STRN: variants seen among roughly 807,000 people sequenced by gnomAD.
The protein encoded by STRN is protein phosphatase 2 regulatory subunit B'''alpha.
Under a neutral mutation model 96.3 loss-of-function variants are expected in STRN, and 53 were observed. The ratio of observed to expected loss-of-function variants is 0.55; its 90% CI spans 0.44 to 0.69. The LOEUF (loss-of-function observed/expected upper bound fraction) is 0.69, where lower values mean the gene tolerates loss of function less well. STRN is among the 30% of genes least tolerant of loss of function. The pLI, the probability that STRN is intolerant of heterozygous loss-of-function variation, is 0.00. For synonymous variants in STRN, 428 were observed against 355.9 expected, an observed-to-expected ratio of 1.20 and a Z score of -2.28; for missense variants, 987 against 963.9, an observed-to-expected ratio of 1.02 and a Z score of -0.32.
chr2:36,906,303 A>G (rs982754083), intron 3 of STRN, among the ~76,000 whole-genome samples: 9 of 151,718 alleles, frequency 5.9e-5, no homozygotes, highest in African/African-American at 2.2e-4. Context: ...TGTCTCTACA[A>G]AAAAAATTAT....
intron 1 of STRN, among the ~76,000 whole-genome samples, chr2:36,941,903 T>C (rs776505224): frequency 6.6e-6 from 1 of 152,090 alleles, no homozygotes; most frequent in African/African-American, 2.4e-5. Flanking sequence ...AGTCTTCAAG[T>C]TGGTTTACCA....
chr2:36,921,033 C>A (rs1483106867), intron 2 of STRN, among the ~76,000 whole-genome samples: 4 of 151,914 alleles, frequency 2.6e-5, no homozygotes, highest in African/African-American at 9.7e-5. Flanking sequence ...CGATATCACA[C>A]CACTGCACTC....
intron 1 of STRN, among the ~76,000 whole-genome samples, chr2:36,930,385 T>A (rs1395158794): frequency 6.7e-6 from 1 of 149,994 alleles, no homozygotes. Context: ...TGAGCCAAGA[T>A]CATGCCACTG....
At chr2:36,917,601 T>G (rs1572673273) in intron 2 of STRN, among the ~76,000 whole-genome samples, 1 of 151,532 alleles carries the variant, frequency 6.6e-6, no homozygotes, top group East Asian at 1.9e-4. Flanking sequence ...TGCTCAAATG[T>G]GTAAAATACT....
At chr2:36,941,716 A>ATTTTTTTTTTTTTTTTT (rs34746648) in intron 1 of STRN, among the ~76,000 whole-genome samples, 1 of 134,850 alleles carries the variant, frequency 7.4e-6, no homozygotes, top group African/African-American at 2.8e-5. Context: ...CACCCAGCTA[A>ATTTTTTTTTTTTTTTTT]TTTTTTTTTT....
At chr2:36,859,733 A>G (rs901583623) in intron 13 of STRN, among the ~76,000 whole-genome samples, 1 of 152,238 alleles carries the variant, frequency 6.6e-6, no homozygotes, top group Non-Finnish European at 1.5e-5. Context: ...AAGGACAGGG[A>G]ACAGAAATTG....
intron 1 of STRN, among the ~76,000 whole-genome samples, chr2:36,938,645 T>C (rs1670766287): frequency 6.6e-6 from 1 of 152,192 alleles, no homozygotes; most frequent in Non-Finnish European, 1.5e-5. Flanking sequence ...TTGTCAAACT[T>C]CAAGGTTATT....
chr2:36,905,466 T>C, intron 4 of STRN, 74 bp downstream of exon 4: 2 of 1,321,112 alleles, frequency 1.5e-6, no homozygotes, highest in East Asian at 2.3e-5. Flanking sequence ...GACTTGAAAA[T>C]ACACAGTAAA....
At chr2:36,854,483 T>TGA (rs749838620) in intron 15 of STRN, among the ~76,000 whole-genome samples, 8 of 151,912 alleles carry the variant, frequency 5.3e-5, no homozygotes, top group Admixed American at 2.0e-4. Flanking sequence ...AGAAACTTTT[T>TGA]GAGAGAGAGA....
At chr2:36,890,423 T>G (rs1669360023) in intron 7 of STRN, among the ~76,000 whole-genome samples, 1 of 152,080 alleles carries the variant, frequency 6.6e-6, no homozygotes, top group Non-Finnish European at 1.5e-5. Context: ...AAAAATTTAT[T>G]GTGTGCTATG....
chr2:36,919,896 T>G (rs1207293646), intron 2 of STRN, among the ~76,000 whole-genome samples: 1 of 152,230 alleles, frequency 6.6e-6, no homozygotes, highest in East Asian at 1.9e-4. Context: ...TGAAAATTTA[T>G]ATTAAATTTT....
At position 36,838,510 on chromosome 2, in the gene STRN, A is replaced by G. The variant is rs1667871342; in HGVS notation, c.*10946T>C. On this transcript the variant is annotated 3_prime_UTR_variant, in exon 18 of 18. Coordinates refer to ENST00000263918, the MANE Select transcript of STRN (RefSeq NM_003162.4). The stretch of plus-strand genomic sequence containing the variant: ...AAAATGGAAATTAAAATAACACTGA[A>G]AAATCACTACATCCACCAGGATTTT... Among the ~76,000 whole-genome samples, 1 of 152,196 alleles carries G rather than the reference A, an allele frequency of 6.6e-6. No individual in the cohort carries two copies. Among genetic ancestry groups the G allele is most frequent in the Admixed American group, 6.5e-5 (1 of 15,278 alleles).
intron 7 of STRN, among the ~76,000 whole-genome samples, chr2:36,890,508 G>C (rs1410003324): frequency 4.1e-5 from 5 of 122,026 alleles, no homozygotes; most frequent in African/African-American, 1.6e-4. Context: ...TTTTGAGACA[G>C]AGTCTCGCTC....
At position 36,838,551 on chromosome 2, in the gene STRN, T is replaced by C. The variant is rs534915030; in HGVS notation, c.*10905A>G. On this transcript the variant is annotated 3_prime_UTR_variant, in exon 18 of 18. Coordinates refer to ENST00000263918, the MANE Select transcript of STRN (RefSeq NM_003162.4). ...CCAGGATTTTTTTCTTTTTTCTACG[T>C]ATTTTTTAATGTTACAATAGTTATT... Among the ~76,000 whole-genome samples the C allele has an allele frequency of 6.6e-6, 1 of 152,360 alleles. No individual in the cohort carries two copies. Among genetic ancestry groups the C allele is most frequent in the South Asian group, 2.1e-4 (1 of 4,822 alleles).
chr2:36,905,942 A>G (rs1669807771), intron 3 of STRN, among the ~76,000 whole-genome samples: 1 of 152,204 alleles, frequency 6.6e-6, no homozygotes, highest in Non-Finnish European at 1.5e-5. Flanking sequence ...AAATAAAAGT[A>G]TTATAAAGTA....
intron 7 of STRN, among the ~76,000 whole-genome samples, chr2:36,891,633 C>T (rs1348250819): frequency 9.9e-5 from 15 of 152,182 alleles, no homozygotes; most frequent in Admixed American, 9.8e-4. Context: ...AACATAATAT[C>T]TCTTGTAGAC....
intron 11 of STRN, among the ~76,000 whole-genome samples, chr2:36,868,805 A>C (rs1359019558): frequency 1.3e-5 from 2 of 151,958 alleles, no homozygotes; most frequent in African/African-American, 4.8e-5. Context: ...TTTGATGTTC[A>C]GTGATGACTC....
intron 1 of STRN, among the ~76,000 whole-genome samples, chr2:36,928,465 A>G (rs983707248): frequency 6.6e-6 from 1 of 151,424 alleles, no homozygotes. Context: ...CAGCCTGGCC[A>G]ACATGGTGAA....
chr2:36,868,872 C>CTT (rs201441254), intron 11 of STRN, among the ~76,000 whole-genome samples: 1,341 of 131,926 alleles, frequency 0.01, 6 homozygotes, highest in Non-Finnish European at 0.015. Context: ...GATGCTGGTT[C>CTT]TTTTTTTTTT....
Sources: gnomAD v4.1 joint callset for allele counts (sites outside exome capture counted in the v4.1 genomes callset) on GRCh38, gnomAD v4.1.1 for gene constraint, MANE v1.5 for transcripts, NCBI Gene and HGNC (gene_info 2026-07-23, HGNC 2026-07-21) for gene names.